NGEF: variants seen among roughly 807,000 people sequenced by gnomAD.
NGEF encodes the protein neuronal guanine nucleotide exchange factor.
NGEF carries 31 observed loss-of-function variants against 80.9 expected under a neutral mutation model. The observed-to-expected ratio is 0.38, with a 90% CI of 0.29 to 0.52. The LOEUF is 0.52. NGEF is among the 20% of genes least tolerant of loss of function. The pLI is 0.84. For synonymous variants in NGEF, 371 were observed against 370.2 expected, an observed-to-expected ratio of 1.00 and a Z score of -0.03; for missense variants, 709 against 926.2, an observed-to-expected ratio of 0.77 and a Z score of 3.04.
At chr2:233,012,625 G>A in intron 1 of NGEF, 1 of 335,248 alleles carries the variant, frequency 3.0e-6, no homozygotes, top group Non-Finnish European at 5.8e-6. Context: ...CTGGCGTCGT[G>A]GGTGTGGGGC....
At chr2:232,970,042 G>T (rs1443595905) in intron 3 of NGEF, 172 bp downstream of exon 3, 1 of 399,388 alleles carries the variant, frequency 2.5e-6, no homozygotes, top group Non-Finnish European at 4.4e-6. Flanking sequence ...CAAAACAAAA[G>T]TTTTTTTTAA....
intron 3 of NGEF, among the ~76,000 whole-genome samples, chr2:232,951,485 GC>G (rs761459951): frequency 6.6e-6 from 1 of 152,082 alleles, no homozygotes; most frequent in Non-Finnish European, 1.5e-5. Context: ...ATTAAACTTG[GC>G]AAAAATGGAG....
intron 3 of NGEF, among the ~76,000 whole-genome samples, chr2:232,931,215 T>C (rs1693210609): frequency 6.6e-6 from 1 of 152,212 alleles, no homozygotes; most frequent in Non-Finnish European, 1.5e-5. Flanking sequence ...AGAATAATGC[T>C]CTCTGCCTTG....
chr2:232,941,474 A>G (rs1213156076), intron 3 of NGEF, among the ~76,000 whole-genome samples: 1 of 152,240 alleles, frequency 6.6e-6, no homozygotes, highest in Non-Finnish European at 1.5e-5. Flanking sequence ...AGTTCAGCCT[A>G]CGCCCAGGAA....
chr2:232,900,756 T>TCA (rs562746618), intron 5 of NGEF, among the ~76,000 whole-genome samples: 1 of 68,128 alleles, frequency 1.5e-5, no homozygotes, highest in Admixed American at 1.7e-4. Flanking sequence ...TCACATTCAC[T>TCA]CACACACACA....
chr2:232,914,616 T>C (rs1226401630), intron 5 of NGEF, among the ~76,000 whole-genome samples: 1 of 152,096 alleles, frequency 6.6e-6, no homozygotes, highest in Non-Finnish European at 1.5e-5. Context: ...GGCACGAGAA[T>C]TGCTTGAACC....
chr2:232,963,352 A>G lies in NGEF; in HGVS notation c.383+6862T>C, dbSNP rs989175299. ...GAGCAACTAGAGATCTATATGGACC[A>G]TAGACCCAAATGTGAAAATGAAGAG... On this transcript the variant is annotated intron_variant, in intron 3 of 14. Transcript: ENST00000264051. Among the ~76,000 whole-genome samples the G allele has an allele frequency of 1.7e-4, 26 of 152,026 alleles. 1 individual carries two copies. The highest frequency in any genetic ancestry group is 2.1e-4 in the South Asian group (1 of 4,832).
At chr2:232,900,731 CAT>C (rs1359833203) in intron 5 of NGEF, among the ~76,000 whole-genome samples, 3 of 146,048 alleles carry the variant, frequency 2.1e-5, no homozygotes, top group South Asian at 2.1e-4. Flanking sequence ...CTCAGTCACT[CAT>C]ATACACGTTC....
In NGEF at chr2:232,962,331, G is replaced by A. The variant is rs150965426; in HGVS notation, c.383+7883C>T. On this transcript the variant is annotated intron_variant, in intron 3 of 14. Transcript: ENST00000264051. The stretch of plus-strand genomic sequence containing the variant: ...GTGGGAGGACCACTTGAGATCAGGC[G>A]TTCAAGACCAGCCTGGTCAACATGG... Among the ~76,000 whole-genome samples the A allele has an allele frequency of 1.9e-3, 284 of 152,288 alleles. 1 individual carries two copies. The highest frequency in any genetic ancestry group is 8.5e-3 in the East Asian group (44 of 5,192).
At chr2:233,007,455 G>C (rs1450300982) in intron 1 of NGEF, among the ~76,000 whole-genome samples, 1 of 152,218 alleles carries the variant, frequency 6.6e-6, no homozygotes, top group East Asian at 1.9e-4. Flanking sequence ...GTCTCCAGTG[G>C]GGACAACTCA....
At chr2:232,912,273 T>C (rs767101955) in intron 5 of NGEF, among the ~76,000 whole-genome samples, 1 of 151,452 alleles carries the variant, frequency 6.6e-6, no homozygotes, top group Non-Finnish European at 1.5e-5. Context: ...AACCATGCAG[T>C]TTTTTTTTCT....
intron 1 of NGEF, among the ~76,000 whole-genome samples, chr2:232,983,856 A>G (rs1269728765): frequency 6.6e-6 from 1 of 152,164 alleles, no homozygotes; most frequent in Non-Finnish European, 1.5e-5. Flanking sequence ...AGATTAAGGA[A>G]CGTTCTTAAG....
chr2:232,895,675 G>T (rs1313536214), intron 5 of NGEF, among the ~76,000 whole-genome samples: 2 of 152,172 alleles, frequency 1.3e-5, no homozygotes, highest in Non-Finnish European at 2.9e-5. Flanking sequence ...AGCGTCAGGG[G>T]AAACCGGCCA....
chr2:232,987,533 C>T (rs892491373), intron 1 of NGEF, among the ~76,000 whole-genome samples: 9 of 152,094 alleles, frequency 5.9e-5, no homozygotes, highest in Non-Finnish European at 1.2e-4. Flanking sequence ...TCCAAAGAAG[C>T]CCTGGAAAGG....
At chr2:232,959,882 A>G (rs943738389) in intron 3 of NGEF, among the ~76,000 whole-genome samples, 1 of 152,176 alleles carries the variant, frequency 6.6e-6, no homozygotes, top group Non-Finnish European at 1.5e-5. Context: ...CTGGGTAACA[A>G]TGGCCATTTT....
Position 232,927,064 on chromosome 2 carries a change from C to T in NGEF, c.506G>A (p.Arg169Lys). The change falls in exon 4 of 15, where the codon AGA (arginine) becomes AAA (lysine). Residue 169 changes from arginine to lysine, a missense_variant. By Grantham distance (26) the Arg-to-Lys change is conservative. This residue lies in a region of NGEF where 283 missense variants were observed against 303.4 expected (regional missense o/e 0.93). Transcript: ENST00000264051. ...MIHPIPADSW[R>K]NLIEQIGLLY... ...CCCACCTATTTGTTCAATGAGGTTT[C>T]TCCAGGAGTCGGCGGGAATGGGGTG... The T allele has an allele frequency of 6.2e-7, 1 of 1,614,032 alleles. No homozygotes were observed. Among genetic ancestry groups the T allele is most frequent in the East Asian group, 2.2e-5 (1 of 44,866 alleles).
chr2:233,010,458 T>C (rs987432748), intron 1 of NGEF, among the ~76,000 whole-genome samples: 1 of 152,206 alleles, frequency 6.6e-6, no homozygotes, highest in Non-Finnish European at 1.5e-5. Flanking sequence ...TGGAAAATCA[T>C]TAATAAGTGA....
chr2:232,976,006 G>C (rs1694284799), intron 1 of NGEF, among the ~76,000 whole-genome samples: 1 of 152,174 alleles, frequency 6.6e-6, no homozygotes, highest in South Asian at 2.1e-4. Flanking sequence ...TTCAAGATCA[G>C]CCTGGCCAAC....
chr2:233,012,251 A>G (rs1045179753), intron 1 of NGEF, among the ~76,000 whole-genome samples: 2 of 152,224 alleles, frequency 1.3e-5, no homozygotes, highest in Non-Finnish European at 2.9e-5. Flanking sequence ...CAGGAAACAC[A>G]AGTCCCACCT....
Sources: gnomAD v4.1 joint callset for allele counts (sites outside exome capture counted in the v4.1 genomes callset) on GRCh38, gnomAD v4.1.1 for gene constraint, gnomAD v4.1.1 regional missense constraint, MANE v1.5 for transcripts, NCBI Gene and HGNC (gene_info 2026-07-23, HGNC 2026-07-21) for gene names.